Variants in TRERF1 observed in about 807,000 individuals in gnomAD.
TRERF1 encodes the protein transcriptional-regulating factor 1.
In TRERF1, 27 loss-of-function variants were observed where a neutral mutation model predicts 122.9. The ratio of observed to expected loss-of-function variants is 0.22; its 90% CI spans 0.16 to 0.30. TRERF1 has a LOEUF of 0.30. Ranked by LOEUF, TRERF1 falls within the 10% of genes least tolerant of loss-of-function variation. The pLI is 1.00. For synonymous variants in TRERF1, 636 were observed against 641.7 expected (o/e 0.99, Z 0.13); for missense variants, 1,248 against 1,560.3 (o/e 0.80, Z 3.37).
At chr6:42,328,937 T>C (rs1764767741) in intron 3 of TRERF1, among the ~76,000 whole-genome samples, 1 of 151,992 alleles carries the variant, frequency 6.6e-6, no homozygotes, top group South Asian at 2.1e-4. Context: ...CTCCGGGAAG[T>C]CACTATGATA....
chr6:42,334,027 G>C (rs1034920582), intron 3 of TRERF1, among the ~76,000 whole-genome samples: 1 of 119,600 alleles, frequency 8.4e-6, no homozygotes, highest in East Asian at 2.4e-4. Context: ...ACACACACAC[G>C]TATGTACACA....
chr6:42,250,504 C>A (rs1775550858), intron 13 of TRERF1, among the ~76,000 whole-genome samples: 1 of 152,124 alleles, frequency 6.6e-6, no homozygotes, highest in Non-Finnish European at 1.5e-5. Flanking sequence ...CTTCTTGGAT[C>A]CTGCATCTTG....
chr6:42,378,606 C>A (rs1581886931), intron 2 of TRERF1, among the ~76,000 whole-genome samples: 1 of 152,118 alleles, frequency 6.6e-6, no homozygotes, highest in Non-Finnish European at 1.5e-5. Flanking sequence ...AGATCACTGG[C>A]CCTTGTCTGT....
intron 3 of TRERF1, among the ~76,000 whole-genome samples, chr6:42,317,928 C>T (rs1190335149): frequency 3.3e-5 from 5 of 151,960 alleles, no homozygotes; most frequent in African/African-American, 7.3e-5. Flanking sequence ...CCGAGGCAGG[C>T]GGATCACCTG....
intron 2 of TRERF1, among the ~76,000 whole-genome samples, chr6:42,391,133 G>A (rs768934239): frequency 5.9e-5 from 9 of 152,156 alleles, no homozygotes; most frequent in Non-Finnish European, 1.2e-4. Context: ...CAGGAGACCA[G>A]GTATTGGATC....
intron 15 of TRERF1, among the ~76,000 whole-genome samples, chr6:42,236,789 A>C (rs955214664): frequency 6.6e-6 from 1 of 152,242 alleles, no homozygotes; most frequent in Non-Finnish European, 1.5e-5. Flanking sequence ...CTGTCTCCTC[A>C]CAGAGGTGAA....
At chr6:42,361,178 C>T (rs896968766) in intron 3 of TRERF1, among the ~76,000 whole-genome samples, 10 of 152,176 alleles carry the variant, frequency 6.6e-5, no homozygotes, top group Non-Finnish European at 1.0e-4. Context: ...CTGGTCCCTT[C>T]CATGACGTAA....
chr6:42,268,400 G>A lies in TRERF1; in HGVS notation c.1191C>T (p.Ser397=). The A allele has an allele frequency of 6.4e-7, 1 of 1,551,196 alleles. No individual in the cohort carries two copies. ...GACTGTCCTCACGCTGCTGGTGCTG[G>A]GACAGGTGGCTCTGCTGGTAGAGGG... Residue 397 remains serine (S), a synonymous_variant, in exon 5 of 18, where the codon TCC becomes TCT. Transcript: ENST00000372922. The surrounding 1 kb of genome is among the most constrained non-coding windows in gnomAD (Gnocchi z 4.4).
Position 42,439,121 on chromosome 6 carries a change from C to T in TRERF1, c.-454+12056G>A, listed in dbSNP as rs895761064. Among the ~76,000 whole-genome samples, 5 of 152,374 alleles carry T rather than the reference C, an allele frequency of 3.3e-5. 1 individual carries two copies. In the Middle Eastern group the frequency reaches 0.014, roughly 415 times the overall value. On this transcript the variant is annotated intron_variant, in intron 2 of 17. Transcript: ENST00000372922. Reference sequence around the variant, plus strand: ...AAAGATGGCAATGCTTCTCCTTCAACATCACTGCCACTTGCCCCTGTGTTT... The same window carrying T: ...AAAGATGGCAATGCTTCTCCTTCAATATCACTGCCACTTGCCCCTGTGTTT...
intron 2 of TRERF1, among the ~76,000 whole-genome samples, chr6:42,448,996 G>A (rs1229827225): frequency 1.3e-5 from 2 of 152,122 alleles, no homozygotes; most frequent in East Asian, 1.9e-4. Context: ...AAGCAGCAAA[G>A]AACACTGCAG....
At chr6:42,246,845 T>C (rs1774892714) in intron 13 of TRERF1, among the ~76,000 whole-genome samples, 1 of 152,228 alleles carries the variant, frequency 6.6e-6, no homozygotes, top group South Asian at 2.1e-4. Flanking sequence ...TTAAAGAAGA[T>C]AATGCACAAA....
At chr6:42,407,324 A>G (rs553305566) in intron 2 of TRERF1, among the ~76,000 whole-genome samples, 1 of 152,232 alleles carries the variant, frequency 6.6e-6, no homozygotes, top group Non-Finnish European at 1.5e-5. Context: ...GTTATTCGCA[A>G]TGACTCTGTT....
At chr6:42,363,940 A>G (rs1231625411) in intron 2 of TRERF1, among the ~76,000 whole-genome samples, 1 of 152,188 alleles carries the variant, frequency 6.6e-6, no homozygotes, top group African/African-American at 2.4e-5. Context: ...GTACTTGGTT[A>G]TAGCAGCCCA....
At chr6:42,256,414 C>T (rs1776759177) in intron 12 of TRERF1, among the ~76,000 whole-genome samples, 1 of 152,058 alleles carries the variant, frequency 6.6e-6, no homozygotes, top group South Asian at 2.1e-4. Flanking sequence ...AGCCTTCTAC[C>T]TCCATCACTG....
At chr6:42,299,771 T>C (rs1247066833) in intron 4 of TRERF1, among the ~76,000 whole-genome samples, 1 of 152,242 alleles carries the variant, frequency 6.6e-6, no homozygotes, top group East Asian at 1.9e-4. Context: ...TCTAAGGATC[T>C]AAACCTATTT....
At position 42,263,375 on chromosome 6, in the gene TRERF1, G is replaced by A. The variant is rs759099581; in HGVS notation, c.1829C>T (p.Pro610Leu). 3 of 1,613,014 alleles carry A rather than the reference G, an allele frequency of 1.9e-6. No individual in the cohort carries two copies. The highest frequency in any genetic ancestry group is 2.2e-5 in the South Asian group (2 of 90,620). The change falls in exon 8 of 18, where the codon CCC becomes CTC. Residue 610 changes from proline to leucine, a missense_variant. By Grantham distance (98) the Pro-to-Leu change is moderately conservative. This residue lies in a region of TRERF1 where 946 missense variants were observed against 1,073.0 expected (regional missense o/e 0.88). Transcript: ENST00000372922. The surrounding 1 kb of genome is among the most constrained non-coding windows in gnomAD (Gnocchi z 5.6). ...GCTGGCTGGCTTGTCTCTGGCGGAG[G>A]GGGCGGCAACGGTGCTGTTGGTGAA... is the stretch of plus-strand genomic sequence containing the variant.
chr6:42,279,129 C>T (rs1781814870), intron 4 of TRERF1, among the ~76,000 whole-genome samples: 1 of 152,180 alleles, frequency 6.6e-6, no homozygotes, highest in South Asian at 2.1e-4. Context: ...GGGTGGGAGC[C>T]ACAATATAGG....
intron 3 of TRERF1, among the ~76,000 whole-genome samples, chr6:42,356,160 C>T (rs531771933): frequency 9.9e-5 from 15 of 152,158 alleles, no homozygotes; most frequent in Non-Finnish European, 1.9e-4. Flanking sequence ...GAACACTTGT[C>T]GCTCTAAGGC....
At chr6:42,279,856 C>T (rs766024622) in intron 4 of TRERF1, among the ~76,000 whole-genome samples, 1 of 152,106 alleles carries the variant, frequency 6.6e-6, no homozygotes, top group African/African-American at 2.4e-5. Context: ...AAAGGGTCAC[C>T]CAGGGCCCCA....
Sources: allele counts gnomAD v4.1 joint callset (sites outside exome capture counted in the v4.1 genomes callset), GRCh38; gene constraint gnomAD v4.1.1; regional missense constraint gnomAD v4.1.1; non-coding constraint Gnocchi (gnomAD v3.1); transcripts MANE v1.5; gene names NCBI Gene and HGNC (gene_info 2026-07-23, HGNC 2026-07-21).